HMGXB4: variants seen among roughly 807,000 people sequenced by gnomAD.
HMGXB4 encodes the protein HMG-box containing 4.
Under a neutral mutation model 63.9 loss-of-function variants are expected in HMGXB4, and 27 were observed. The observed-to-expected ratio is 0.42, with a 90% CI of 0.31 to 0.58. The LOEUF is 0.58. HMGXB4 is among the 20% of genes least tolerant of loss of function. The probability of loss-of-function intolerance (pLI) is 0.13; values close to 1 mark genes in which losing one functional copy is unlikely to be tolerated. For synonymous variants in HMGXB4, 264 were observed against 265.3 expected, an observed-to-expected ratio of 0.99 and a Z score of 0.05; for missense variants, 624 against 700.7, an observed-to-expected ratio of 0.89 and a Z score of 1.24.
chr22:35,287,890 G>A (rs775648119), intron 8 of HMGXB4, among the ~76,000 whole-genome samples: 59 of 152,098 alleles, frequency 3.9e-4, no homozygotes, highest in Non-Finnish European at 6.0e-4. Context: ...GGAGGTTGCG[G>A]TGAGCCGAGA....
In HMGXB4 at chr22:35,294,175, CTTTATAG is replaced by C. The variant is rs1179372848; in HGVS notation, c.*527_*533del. On this transcript the variant is annotated 3_prime_UTR_variant, in exon 11 of 11. Coordinates refer to ENST00000216106, the MANE Select transcript of HMGXB4 (RefSeq NM_001003681.3). Reference sequence around the variant, plus strand: ...GGTGGGAGGTGATAAAATTTGTTCCCTTTATAGTTATGGAAGTGGCTTAGGTGAATTG... The same window carrying C: ...GGTGGGAGGTGATAAAATTTGTTCCCTTATGGAAGTGGCTTAGGTGAATTG... The C allele has an allele frequency of 6.5e-6, 1 of 152,700 alleles. No individual in the cohort carries two copies. Among genetic ancestry groups the C allele is most frequent in the Non-Finnish European group, 1.5e-5 (1 of 68,158 alleles). The allele number at this position is 152,700 out of a possible 1,614,324, so 9.5% of individuals were successfully genotyped here.
chr22:35,281,248 A>G (rs182476592), intron 5 of HMGXB4, among the ~76,000 whole-genome samples: 1 of 152,320 alleles, frequency 6.6e-6, no homozygotes, highest in East Asian at 1.9e-4. Context: ...AGCTGAGACA[A>G]GATTGTGGGT....
chr22:35,253,420 A>G (rs894344945), upstream of HMGXB4, among the ~76,000 whole-genome samples: 1 of 152,188 alleles, frequency 6.6e-6, no homozygotes, highest in African/African-American at 2.4e-5. Flanking sequence ...AAGCAGGAAA[A>G]CAAGTATCAT....
upstream of HMGXB4, among the ~76,000 whole-genome samples, chr22:35,253,144 A>AAAAAAAAAAAAAAG (rs11282400): frequency 1.5e-3 from 186 of 125,298 alleles, 3 homozygotes; most frequent in South Asian, 5.5e-3. Context: ...AAAAAAAAAA[A>AAAAAAAAAAAAAAG]AAAAAAGAAA....
chr22:35,267,000 AAAG>A (rs1265704031), intron 5 of HMGXB4, among the ~76,000 whole-genome samples: 1 of 152,092 alleles, frequency 6.6e-6, no homozygotes, highest in African/African-American at 2.4e-5. Flanking sequence ...AGAAAAAAGA[AAAG>A]AATCTAGGAA....
chr22:35,260,464 G>A lies in HMGXB4; in HGVS notation c.-68-1859G>A, dbSNP rs553436888. 9.2e-5 allele frequency among the ~76,000 whole-genome samples: 14 copies of A among 152,300 alleles called. No individual in the cohort carries two copies. The South Asian group carries it at 2.9e-3, about 32-fold the overall frequency. On this transcript the variant is annotated intron_variant, in intron 1 of 10. Transcript: ENST00000216106. ...CAGCACCACTTGGGTGGAAAGGGGA[G>A]GACAGTAGTTTCCGCTGAGAAAGTG...
intron 8 of HMGXB4, among the ~76,000 whole-genome samples, chr22:35,287,757 TAACC>T (rs945519399): frequency 2.0e-5 from 3 of 152,044 alleles, no homozygotes; most frequent in African/African-American, 7.2e-5. Context: ...GACACCAGCC[TAACC>T]AACATGGAGA....
chr22:35,249,122 G>A, the HMGXB4 span, among the ~76,000 whole-genome samples: 6 of 151,784 alleles, frequency 4.0e-5, no homozygotes, highest in Non-Finnish European at 7.4e-5. Flanking sequence ...GCAGTGGCAC[G>A]ATCTTGGCTC....
chr22:35,283,909 A>T, intron 5 of HMGXB4, 53 bp from the exon 6 acceptor site: 1 of 1,349,388 alleles, frequency 7.4e-7, no homozygotes, highest in Non-Finnish European at 1.1e-6. Flanking sequence ...CAGGGTTACT[A>T]AACCTGGGTT....
chr22:35,277,153 G>T (rs1171781127), intron 5 of HMGXB4, among the ~76,000 whole-genome samples: 1 of 152,182 alleles, frequency 6.6e-6, no homozygotes, highest in South Asian at 2.1e-4. Flanking sequence ...AAGGCGTCCA[G>T]TAGAGCCAGG....
intron 5 of HMGXB4, among the ~76,000 whole-genome samples, chr22:35,270,379 G>A (rs1361586386): frequency 1.3e-5 from 2 of 152,028 alleles, no homozygotes; most frequent in Admixed American, 1.3e-4. Context: ...ATAAGCTCAG[G>A]GCTCCCACTG....
chr22:35,264,138 G>A, intron 4 of HMGXB4: 1 of 1,293,304 alleles, frequency 7.7e-7, no homozygotes. Flanking sequence ...CTTATCTTGT[G>A]CCCATTGTTA....
At chr22:35,242,132 T>G in the HMGXB4 span, among the ~76,000 whole-genome samples, 1 of 152,218 alleles carries the variant, frequency 6.6e-6, no homozygotes, top group Non-Finnish European at 1.5e-5. Context: ...GTTTTTAAAA[T>G]TCTTCTTTAA....
chr22:35,270,554 C>T (rs950746850), intron 5 of HMGXB4, among the ~76,000 whole-genome samples: 8 of 152,220 alleles, frequency 5.3e-5, no homozygotes, highest in South Asian at 2.1e-4. Context: ...AACCGGTACC[C>T]GGTGCCAAAA....
chr22:35,263,640 A>G (rs1169686061), intron 3 of HMGXB4, among the ~76,000 whole-genome samples, 156 bp from the exon 4 acceptor site: 1 of 152,202 alleles, frequency 6.6e-6, no homozygotes, highest in South Asian at 2.1e-4. Context: ...GTATTTTTTA[A>G]TAACTTGAGA....
At chr22:35,244,939 C>A in the HMGXB4 span, among the ~76,000 whole-genome samples, 17 of 152,168 alleles carry the variant, frequency 1.1e-4, no homozygotes, top group Non-Finnish European at 2.4e-4. Context: ...AGTACAGTTT[C>A]TTTACAGCAC....
intron 5 of HMGXB4, among the ~76,000 whole-genome samples, chr22:35,275,790 A>G (rs905386447): frequency 6.6e-6 from 1 of 152,232 alleles, no homozygotes. Context: ...ATACCTCATC[A>G]AATATTTAAA....
chr22:35,264,907 A>G lies in HMGXB4; in HGVS notation c.519A>G (p.Lys173=). 6.2e-7 allele frequency: 1 copy of G among 1,613,956 alleles called. No individual in the cohort carries two copies. Among genetic ancestry groups the G allele is most frequent in the Non-Finnish European group, 8.5e-7 (1 of 1,179,988 alleles). ...DGGSHKSKKM[K]PLYVNTETLT... ...GCTCCCACAAATCGAAAAAAATGAA[A>G]CCTCTCTATGTGAACACAGAGACAC... is the stretch of plus-strand genomic sequence containing the variant. The change falls in exon 5 of 11, where the codon AAA becomes AAG. Residue 173 remains lysine (K), a synonymous_variant. Transcript: ENST00000216106.
At chr22:35,261,857 C>T (rs936451970) in intron 1 of HMGXB4, 2 of 154,300 alleles carry the variant, frequency 1.3e-5, no homozygotes, top group African/African-American at 4.8e-5. Context: ...AATTACAATG[C>T]AATAGATTTT....
Sources: allele counts gnomAD v4.1 joint callset (sites outside exome capture counted in the v4.1 genomes callset), GRCh38; gene constraint gnomAD v4.1.1; transcripts MANE v1.5; gene names NCBI Gene and HGNC (gene_info 2026-07-23, HGNC 2026-07-21).